The following OGA variants were observed in gnomAD, a reference collection of about 807,000 sequenced individuals.
OGA encodes protein O-GlcNAcase.
A neutral mutation model predicts 102.0 loss-of-function variants in OGA; 21 were observed. The ratio of observed to expected loss-of-function variants is 0.21; its 90% CI spans 0.15 to 0.30. The LOEUF is 0.30. Among genes scored for constraint, OGA ranks in the 10% least tolerant of loss-of-function variants. OGA has a pLI of 1.00. For missense variants in OGA, 765 were observed against 1,107.8 expected (o/e 0.69, Z 4.39); for synonymous variants, 408 against 378.2 (o/e 1.08, Z -0.91).
intron 7 of OGA, among the ~76,000 whole-genome samples, chr10:101,802,736 A>G (rs1404246912): frequency 6.6e-6 from 1 of 152,048 alleles, no homozygotes; most frequent in Non-Finnish European, 1.5e-5. Context: ...CATCTGCCCC[A>G]TGACAGATTA....
At position 101,806,039 on chromosome 10, in the gene OGA, A is replaced by T. The variant is rs1258539455; in HGVS notation, c.751+6T>A. On this transcript the variant is annotated splice_donor_region_variant and intron_variant, in intron 6 of 15. Transcript: ENST00000361464. ...ACTTTGACTGTATAAATCTTAAAAG[A>T]CTTACCTGTCCAAAGCACTTCAATT... The T allele has an allele frequency of 6.4e-7, 1 of 1,574,094 alleles. No homozygotes were observed. Among genetic ancestry groups the T allele is most frequent in the Admixed American group, 1.7e-5 (1 of 59,900 alleles).
chr10:101,817,745 T>C, intron 1 of OGA, 79 bp downstream of exon 1: 2 of 1,480,370 alleles, frequency 1.4e-6, no homozygotes, highest in African/African-American at 1.4e-5. Context: ...TTTTAGAGTC[T>C]CCAAAATCCC....
chr10:101,808,053 T>C, intron 4 of OGA, 152 bp from the exon 5 acceptor site: 1 of 740,710 alleles, frequency 1.4e-6, no homozygotes, highest in Non-Finnish European at 1.9e-6. Flanking sequence ...TAAAAAATCG[T>C]AAGTTAAACA....
Position 101,813,585 on chromosome 10 carries a change from A to G in OGA, c.221T>C (p.Val74Ala), listed in dbSNP as rs779381439. The change falls in exon 2 of 16, where the codon GTT (valine) becomes GCT (alanine). Residue 74 changes from valine (V) to alanine (A), a missense_variant. Physicochemically the swap from Val to Ala is moderately conservative, Grantham distance 64. This residue lies in a region of OGA where 165 missense variants were observed against 249.7 expected (regional missense o/e 0.66). Transcript: ENST00000361464. ...AAAGAGTTCTTTTCTCTGTTCCATA[A>G]CCCAAGGTCTTCCATAAAATCCTAG... ...VVEGFYGRPW[V>A]MEQRKELFRR... 2 of 1,560,184 alleles carry G rather than the reference A, an allele frequency of 1.3e-6. No homozygotes were observed. The highest frequency in any genetic ancestry group is 8.8e-7 in the Non-Finnish European group (1 of 1,137,486).
intron 14 of OGA, among the ~76,000 whole-genome samples, chr10:101,790,581 C>T (rs1411899753): frequency 1.3e-5 from 2 of 151,996 alleles, no homozygotes; most frequent in Non-Finnish European, 2.9e-5. Context: ...CTGACCAAGA[C>T]CATAACATCT....
intron 14 of OGA, chr10:101,788,060 G>A (rs1379727426): frequency 6.6e-6 from 1 of 152,320 alleles, no homozygotes; most frequent in Non-Finnish European, 1.5e-5. Flanking sequence ...GAACCCAGGA[G>A]GCGGAGCTTG....
intron 1 of OGA, among the ~76,000 whole-genome samples, chr10:101,815,827 T>C (rs1323592482): frequency 2.6e-5 from 4 of 151,460 alleles, no homozygotes; most frequent in Admixed American, 2.6e-4. Context: ...GAGGAAGCAA[T>C]GCTGTTAATG....
At chr10:101,792,769 G>A in intron 12 of OGA, 70 bp downstream of exon 12, 2 of 1,058,474 alleles carry the variant, frequency 1.9e-6, no homozygotes, top group Admixed American at 2.1e-5. Flanking sequence ...TTTAACCAGT[G>A]AGTTAAAAGG....
chr10:101,801,714 C>T (rs1383223259), intron 7 of OGA, among the ~76,000 whole-genome samples: 2 of 152,050 alleles, frequency 1.3e-5, no homozygotes, highest in Non-Finnish European at 2.9e-5. Context: ...CTGAGCCAAA[C>T]AAAAGGGAGA....
chr10:101,815,573 C>T (rs1291420832), intron 1 of OGA, among the ~76,000 whole-genome samples: 1 of 152,114 alleles, frequency 6.6e-6, no homozygotes, highest in African/African-American at 2.4e-5. Flanking sequence ...CGTGAGCCAC[C>T]GCGCCCGGCC....
intron 11 of OGA, 65 bp downstream of exon 11, chr10:101,793,848 G>T: frequency 8.2e-7 from 1 of 1,225,692 alleles, no homozygotes; most frequent in Non-Finnish European, 1.2e-6. Context: ...GCCATCTGAT[G>T]CGCAACATAA....
At chr10:101,817,622 T>C (rs546569423) in intron 1 of OGA, among the ~76,000 whole-genome samples, 1 of 151,810 alleles carries the variant, frequency 6.6e-6, no homozygotes, top group African/African-American at 2.4e-5. Flanking sequence ...GACTTGTGAG[T>C]GGCCAGGGGG....
chr10:101,804,956 TAAAA>T, intron 6 of OGA, among the ~76,000 whole-genome samples: 1 of 152,180 alleles, frequency 6.6e-6, no homozygotes, highest in East Asian at 1.9e-4. Context: ...TTTCGTTTTA[TAAAA>T]TAGAAGAGTT....
At chr10:101,801,206 C>T (rs2065386877) in intron 7 of OGA, among the ~76,000 whole-genome samples, 1 of 151,780 alleles carries the variant, frequency 6.6e-6, no homozygotes, top group East Asian at 1.9e-4. Flanking sequence ...GCCTGGCCAA[C>T]ATGGTAAAAC....
intron 12 of OGA, 60 bp downstream of exon 12, chr10:101,792,779 G>T: frequency 8.2e-7 from 1 of 1,220,566 alleles, no homozygotes; most frequent in Non-Finnish European, 1.2e-6. Flanking sequence ...GAGTTAAAAG[G>T]TTAAGTTTTA....
At chr10:101,814,276 C>G (rs568260775) in intron 1 of OGA, among the ~76,000 whole-genome samples, 2 of 152,086 alleles carry the variant, frequency 1.3e-5, no homozygotes, top group Non-Finnish European at 1.5e-5. Context: ...TGCAGTGAGC[C>G]GAGACTGCGT....
intron 7 of OGA, among the ~76,000 whole-genome samples, 176 bp from the exon 8 acceptor site, chr10:101,800,576 C>T (rs2305191): frequency 0.35 from 52,909 of 151,936 alleles, 9,596 homozygotes; most frequent in Non-Finnish European, 0.4. Flanking sequence ...CACCAAACCA[C>T]TTCATATAGG....
intron 1 of OGA, among the ~76,000 whole-genome samples, chr10:101,816,793 ATACTC>A (rs1323956535): frequency 8.5e-5 from 13 of 152,134 alleles, no homozygotes; most frequent in Non-Finnish European, 7.3e-5. Context: ...TTTCGAAAGA[ATACTC>A]TAATTTATAT....
At chr10:101,804,923 T>C (rs1410377823) in intron 6 of OGA, among the ~76,000 whole-genome samples, 1 of 152,146 alleles carries the variant, frequency 6.6e-6, no homozygotes, top group Non-Finnish European at 1.5e-5. Context: ...AAACACAACA[T>C]GTCTTTTACT....
Sources: allele counts gnomAD v4.1 joint callset (sites outside exome capture counted in the v4.1 genomes callset), GRCh38; gene constraint gnomAD v4.1.1; regional missense constraint gnomAD v4.1.1; transcripts MANE v1.5; gene names NCBI Gene and HGNC (gene_info 2026-07-23, HGNC 2026-07-21).